The following INPP5A variants were observed in gnomAD, a reference collection of about 807,000 sequenced individuals.
INPP5A encodes the protein inositol polyphosphate-5-phosphatase A, also known as 43 kDa inositol polyphosphate 5-phophatase.
INPP5A carries 14 observed loss-of-function variants against 65.2 expected under a neutral mutation model. The observed-to-expected ratio is 0.21, with a 90% CI of 0.14 to 0.34. The LOEUF is 0.34. Ranked by LOEUF, INPP5A falls within the 10% of genes least tolerant of loss-of-function variation. INPP5A has a pLI of 1.00. For synonymous variants in INPP5A, 207 were observed against 208.3 expected (o/e 0.99, Z 0.05); for missense variants, 431 against 545.6 (o/e 0.79, Z 2.09).
At chr10:132,642,516 C>T (rs765597697) in intron 2 of INPP5A, among the ~76,000 whole-genome samples, 26 of 152,318 alleles carry the variant, frequency 1.7e-4, no homozygotes, top group Non-Finnish European at 3.2e-4. Context: ...TCCGTGGGGT[C>T]GTTGGAATCT....
chr10:132,642,920 G>T (rs551582315), intron 2 of INPP5A, among the ~76,000 whole-genome samples: 1 of 152,188 alleles, frequency 6.6e-6, no homozygotes, highest in African/African-American at 2.4e-5. Flanking sequence ...GAAACTGAGA[G>T]TATGTGCTGT....
intron 2 of INPP5A, among the ~76,000 whole-genome samples, chr10:132,618,435 C>A (rs377354381): frequency 3.5e-4 from 53 of 152,316 alleles, no homozygotes; most frequent in African/African-American, 1.3e-3. Context: ...TCAGAGACAA[C>A]TAAAGGTAGA....
chr10:132,680,702 C>T (rs978329568), intron 4 of INPP5A, among the ~76,000 whole-genome samples: 7 of 152,242 alleles, frequency 4.6e-5, no homozygotes, highest in East Asian at 3.8e-4. Flanking sequence ...GTGGCGCTTG[C>T]GGGCCAGCTG....
chr10:132,594,680 G>T (rs2071662006), intron 1 of INPP5A, among the ~76,000 whole-genome samples: 1 of 152,080 alleles, frequency 6.6e-6, no homozygotes, highest in South Asian at 2.1e-4. Flanking sequence ...GTGGCGTGGT[G>T]GGTGTGTGTG....
intron 14 of INPP5A, 42 bp from the exon 15 acceptor site, chr10:132,781,819 C>T (rs1847167157): frequency 6.5e-7 from 1 of 1,528,178 alleles, no homozygotes; most frequent in African/African-American, 1.4e-5. Flanking sequence ...CTGTGCTGTC[C>T]CGCGTGCGCC....
At position 132,627,172 on chromosome 10, in the gene INPP5A, T is replaced by C. The variant is rs958824056; in HGVS notation, c.118-18696T>C. On this transcript the variant is annotated intron_variant, in intron 2 of 15. Transcript: ENST00000368594. This position sits in a 1 kb window ranked among gnomAD's most constrained non-coding sequence, Gnocchi z 6.6. ...TCACCAGGAACCAAACCGGCCGGCT[T>C]CTTGGCCTCAGACTGACAGCTCCAG... 1.3e-5 allele frequency among the ~76,000 whole-genome samples: 2 copies of C among 151,792 alleles called. No individual in the cohort carries two copies. Among genetic ancestry groups the C allele is most frequent in the Admixed American group, 6.5e-5 (1 of 15,274 alleles).
intron 1 of INPP5A, among the ~76,000 whole-genome samples, chr10:132,565,351 A>C (rs1322286168): frequency 2.6e-5 from 4 of 152,212 alleles, no homozygotes; most frequent in African/African-American, 9.6e-5. Context: ...AGTCACTTTT[A>C]ACCCCATAGT....
chr10:132,759,090 G>A (rs746860566), intron 11 of INPP5A, among the ~76,000 whole-genome samples: 1 of 152,232 alleles, frequency 6.6e-6, no homozygotes, highest in Non-Finnish European at 1.5e-5. Context: ...CCAGAGCACT[G>A]TGCATGGTAT....
chr10:132,732,557 C>T (rs1377517800), intron 9 of INPP5A, among the ~76,000 whole-genome samples: 1 of 152,250 alleles, frequency 6.6e-6, no homozygotes, highest in Non-Finnish European at 1.5e-5. Context: ...TCAAATTCCA[C>T]AGCTCACTGA....
At position 132,710,322 on chromosome 10, in the gene INPP5A, C is replaced by A. The variant is rs1845612343; in HGVS notation, c.528-15C>A. 6.2e-7 allele frequency: 1 copy of A among 1,613,418 alleles called. No individual in the cohort carries two copies. On this transcript the variant is annotated splice_polypyrimidine_tract_variant and intron_variant, in intron 7 of 15. Coordinates refer to ENST00000368594, the MANE Select transcript of INPP5A (RefSeq NM_005539.5). ...CCGGCCCTTGGTGACGTGTCCTTTT[C>A]TCTTTTGGTTGCAGTGCCTTTGACT... is the stretch of plus-strand genomic sequence containing the variant.
chr10:132,726,966 T>C, intron 9 of INPP5A, 61 bp downstream of exon 9: 1 of 1,257,640 alleles, frequency 8.0e-7, no homozygotes, highest in Non-Finnish European at 1.1e-6. Context: ...AGGAAAACAG[T>C]GGAAGGAGCG....
chr10:132,717,553 G>C (rs1265600296), intron 8 of INPP5A, among the ~76,000 whole-genome samples: 1 of 151,538 alleles, frequency 6.6e-6, no homozygotes, highest in African/African-American at 2.5e-5. Context: ...TGTGGTACCT[G>C]GGTTCTGTCT....
At chr10:132,666,550 G>A (rs571701382) in intron 4 of INPP5A, among the ~76,000 whole-genome samples, 1 of 152,298 alleles carries the variant, frequency 6.6e-6, no homozygotes, top group Non-Finnish European at 1.5e-5. Context: ...GCCCCGTGGC[G>A]CACCATCCCG....
intron 2 of INPP5A, among the ~76,000 whole-genome samples, chr10:132,633,864 A>G (rs1396963072): frequency 1.3e-5 from 2 of 152,206 alleles, no homozygotes; most frequent in Non-Finnish European, 2.9e-5. Context: ...TCAAGCCCAT[A>G]TAAACATGGA....
chr10:132,713,967 T>A (rs1845695115), intron 8 of INPP5A, among the ~76,000 whole-genome samples: 1 of 152,102 alleles, frequency 6.6e-6, no homozygotes, highest in South Asian at 2.1e-4. Flanking sequence ...GAGAAGGGCC[T>A]CACCCACAGG....
chr10:132,642,833 G>A (rs751159689), intron 2 of INPP5A, among the ~76,000 whole-genome samples: 2 of 152,206 alleles, frequency 1.3e-5, no homozygotes, highest in Non-Finnish European at 2.9e-5. Context: ...CCGATGAAGC[G>A]CAGTGGTAAT....
intron 1 of INPP5A, among the ~76,000 whole-genome samples, chr10:132,577,126 G>A (rs1194242695): frequency 6.6e-6 from 1 of 152,202 alleles, no homozygotes; most frequent in Non-Finnish European, 1.5e-5. Context: ...GCCAGGAGTG[G>A]AGGGGGCAGA....
intron 7 of INPP5A, among the ~76,000 whole-genome samples, chr10:132,709,192 G>A (rs925789214): frequency 1.7e-4 from 26 of 149,530 alleles, no homozygotes; most frequent in Admixed American, 9.3e-4. Context: ...CCTCCCCCTC[G>A]GGCCTCTCCC....
chr10:132,766,489 G>A (rs1395733529), intron 12 of INPP5A, among the ~76,000 whole-genome samples: 1 of 151,846 alleles, frequency 6.6e-6, no homozygotes, highest in East Asian at 1.9e-4. Flanking sequence ...TGCAGATGTT[G>A]CGTGGGTGTC....
Sources: allele counts gnomAD v4.1 joint callset (sites outside exome capture counted in the v4.1 genomes callset), GRCh38; gene constraint gnomAD v4.1.1; non-coding constraint Gnocchi (gnomAD v3.1); transcripts MANE v1.5; gene names NCBI Gene and HGNC (gene_info 2026-07-23, HGNC 2026-07-21).